The following PSIP1 variants were observed in gnomAD, a reference collection of about 807,000 sequenced individuals.
PSIP1 encodes the protein PC4 and SRSF1 interacting protein 1.
PSIP1 carries 19 observed loss-of-function variants against 74.7 expected under a neutral mutation model. The observed-to-expected ratio is 0.25, with a 90% CI of 0.18 to 0.37. The LOEUF (loss-of-function observed/expected upper bound fraction) is 0.37, where lower values mean the gene tolerates loss of function less well. Ranked by LOEUF, PSIP1 falls within the 10% of genes least tolerant of loss-of-function variation. The pLI is 1.00. For missense variants in PSIP1, 601 were observed against 614.3 expected, an observed-to-expected ratio of 0.98 and a Z score of 0.23; for synonymous variants, 222 against 195.3, an observed-to-expected ratio of 1.14 and a Z score of -1.14.
At chr9:15,510,353 TA>T (rs2037805469) in intron 1 of PSIP1, 24 bp from the exon 2 acceptor site, 1 of 154,096 alleles carries the variant, frequency 6.5e-6, no homozygotes, top group East Asian at 2.6e-4. Flanking sequence ...CGAGGGCGGT[TA>T]AAGCGAAGAA....
chr9:15,503,563 GA>G (rs1219059775), intron 3 of PSIP1, among the ~76,000 whole-genome samples: 1 of 151,530 alleles, frequency 6.6e-6, no homozygotes, highest in African/African-American at 2.4e-5. Flanking sequence ...TTGGGAAGTT[GA>G]GATGGGAGGA....
intron 14 of PSIP1, chr9:15,468,325 T>G (rs2035715518): frequency 1.7e-6 from 1 of 590,726 alleles, no homozygotes. Flanking sequence ...AACCAGGAAG[T>G]GGGTACTCTA....
intron 10 of PSIP1, chr9:15,471,683 T>C: frequency 1.0e-6 from 1 of 959,320 alleles, no homozygotes; most frequent in Non-Finnish European, 1.2e-6. Context: ...CTAAAACTAC[T>C]TGTATATCCT....
intron 3 of PSIP1, among the ~76,000 whole-genome samples, chr9:15,501,374 G>C (rs1435067773): frequency 6.7e-6 from 1 of 150,114 alleles, no homozygotes; most frequent in East Asian, 1.9e-4. Flanking sequence ...CTTCGAGTGT[G>C]GGTGAAAAAA....
chr9:15,470,498 A>G (rs1381706939), intron 10 of PSIP1: 2 of 769,826 alleles, frequency 2.6e-6, no homozygotes, highest in South Asian at 5.9e-5. Context: ...ACATTTCACA[A>G]AAGGTACCAT....
intron 14 of PSIP1, 115 bp downstream of exon 14, chr9:15,468,515 T>C (rs1426819895): frequency 3.4e-6 from 4 of 1,187,224 alleles, no homozygotes; most frequent in Non-Finnish European, 5.0e-6. Flanking sequence ...TTTGCCTTTG[T>C]ATACTTTTTC....
intron 3 of PSIP1, among the ~76,000 whole-genome samples, chr9:15,496,227 T>G (rs1051357860): frequency 3.3e-5 from 5 of 152,226 alleles, no homozygotes; most frequent in African/African-American, 4.8e-5. Flanking sequence ...TTTAACCATG[T>G]TGTTAGTGGA....
intron 4 of PSIP1, among the ~76,000 whole-genome samples, chr9:15,488,827 C>T (rs1241071373): frequency 6.7e-6 from 1 of 149,284 alleles, no homozygotes; most frequent in African/African-American, 2.6e-5. Context: ...CGAGACCATC[C>T]TGGCTAACAC....
chr9:15,487,963 G>C (rs972264767), intron 4 of PSIP1, among the ~76,000 whole-genome samples: 2 of 152,196 alleles, frequency 1.3e-5, no homozygotes, highest in Non-Finnish European at 2.9e-5. Flanking sequence ...ATATGTTCCA[G>C]ATAGAACAGT....
chr9:15,478,577 C>G (rs371545023), intron 7 of PSIP1, 25 bp from the exon 8 acceptor site: 26 of 1,416,874 alleles, frequency 1.8e-5, no homozygotes, highest in African/African-American at 4.2e-5. Context: ...GAAAAAAAAT[C>G]AGTAACTACT....
At position 15,474,212 on chromosome 9, in the gene PSIP1, T is replaced by G; in HGVS notation, c.655A>C (p.Lys219Gln). 1 of 1,612,740 alleles carries G rather than the reference T, an allele frequency of 6.2e-7. No individual in the cohort carries two copies. The highest frequency in any genetic ancestry group is 8.5e-7 in the Non-Finnish European group (1 of 1,179,720). The part of the protein sequence containing the change: ...DIITEEDKSK[K>Q]KGQEEKQPKK... ...GGTTGTTTTTCCTCTTGCCCCTTTT[T>G]CTTACTTTTGTCCTCTTCAGTAATG... The change falls in exon 9 of 16, where the codon AAA becomes CAA. Residue 219 changes from lysine (K) to glutamine (Q), a missense_variant. Transcript: ENST00000380733.
intron 14 of PSIP1, among the ~76,000 whole-genome samples, chr9:15,467,288 C>G (rs1015307415): frequency 6.6e-6 from 1 of 152,116 alleles, no homozygotes; most frequent in South Asian, 2.1e-4. Flanking sequence ...AGGAGTATTT[C>G]CTAATTGATA....
chr9:15,487,539 C>T (rs193229269), intron 4 of PSIP1, among the ~76,000 whole-genome samples: 2 of 152,022 alleles, frequency 1.3e-5, no homozygotes, highest in East Asian at 3.9e-4. Context: ...GAGGTTGCAG[C>T]GAGACAAGAT....
chr9:15,488,747 C>T (rs2036671787), intron 4 of PSIP1, among the ~76,000 whole-genome samples: 1 of 151,110 alleles, frequency 6.6e-6, no homozygotes, highest in Non-Finnish European at 1.5e-5. Flanking sequence ...TTAGGCTGGA[C>T]ACAGTGGCTC....
chr9:15,465,479 ACAAACTTCT>A lies in PSIP1; in HGVS notation c.*32_*40del. On this transcript the variant is annotated 3_prime_UTR_variant, in exon 16 of 16. Transcript: ENST00000380733. ...CAGTCTATTTCAAATGAAAACCATT[ACAAACTTCT>A]CAAGTGTTCTCTATATTCCAGGTAT... 1.4e-6 allele frequency: 2 copies of A among 1,463,810 alleles called. No individual in the cohort carries two copies. The highest frequency in any genetic ancestry group is 1.9e-6 in the Non-Finnish European group (2 of 1,066,230). The allele number at this position is 1,463,810 out of a possible 1,614,324, so 90.7% of individuals were successfully genotyped here. A position where few individuals can be genotyped will look rare whatever the true frequency, so the allele number is the denominator to read the frequency against.
chr9:15,482,785 A>G (rs1365220337), intron 6 of PSIP1, among the ~76,000 whole-genome samples: 1 of 152,138 alleles, frequency 6.6e-6, no homozygotes, highest in Admixed American at 6.5e-5. Flanking sequence ...CCTTGCCTTC[A>G]AAGATTTAAA....
chr9:15,509,425 T>A (rs1290966067), intron 2 of PSIP1, among the ~76,000 whole-genome samples: 1 of 152,224 alleles, frequency 6.6e-6, no homozygotes, highest in Non-Finnish European at 1.5e-5. Flanking sequence ...CCTTAATCAT[T>A]TCTCTGTACC....
chr9:15,498,403 G>A (rs1404573772), intron 3 of PSIP1, among the ~76,000 whole-genome samples: 2 of 152,128 alleles, frequency 1.3e-5, no homozygotes, highest in South Asian at 2.1e-4. Context: ...GTGACAGAGT[G>A]AGGCTCCGTT....
chr9:15,468,826 A>G lies in PSIP1; in HGVS notation c.1224T>C (p.Val408=), dbSNP rs2035732762. Residue 408 remains valine (V), a synonymous_variant, in exon 14 of 16, where the codon GTT becomes GTC. Transcript: ENST00000380733. The part of the protein sequence containing the change: ...TTLKKIRRFK[V]SQVIMEKSTM... ...TAGACTTTTCCATGATTACCTGACT[A>G]ACTTTGAATCGCCGTATCTGAGAAA... The G allele has an allele frequency of 1.9e-6, 3 of 1,613,680 alleles. No homozygotes were observed. The highest frequency in any genetic ancestry group is 1.1e-5 in the South Asian group (1 of 91,070).
Sources: gnomAD v4.1 joint callset for allele counts (sites outside exome capture counted in the v4.1 genomes callset) on GRCh38, gnomAD v4.1.1 for gene constraint, MANE v1.5 for transcripts, NCBI Gene and HGNC (gene_info 2026-07-23, HGNC 2026-07-21) for gene names.